CCDC93: variants seen among roughly 807,000 people sequenced by gnomAD.
The protein encoded by CCDC93 is coiled-coil domain-containing protein 93.
In CCDC93, 61 loss-of-function variants were observed where a neutral mutation model predicts 108.2. The observed-to-expected ratio is 0.56, with a 90% confidence interval of 0.46 to 0.70. CCDC93 has a LOEUF of 0.70. Ranked by LOEUF, CCDC93 falls within the 30% of genes least tolerant of loss-of-function variation. The pLI, the probability that CCDC93 is intolerant of heterozygous loss-of-function variation, is 0.00. For missense variants in CCDC93, 685 were observed against 764.2 expected (o/e 0.90, Z 1.22); for synonymous variants, 276 against 260.4 (o/e 1.06, Z -0.58).
chr2:117,965,336 G>C (rs2104767142), intron 11 of CCDC93, among the ~76,000 whole-genome samples: 1 of 152,180 alleles, frequency 6.6e-6, no homozygotes, highest in Admixed American at 6.5e-5. Flanking sequence ...TCACATCTAA[G>C]CTTATTAGAA....
At chr2:117,935,363 C>A (rs1000463244) in intron 22 of CCDC93, 132 bp downstream of exon 22, 7 of 663,030 alleles carry the variant, frequency 1.1e-5, no homozygotes, top group Non-Finnish European at 1.9e-5. Context: ...GGTGGGAATA[C>A]CTCTGTAGAA....
chr2:117,995,354 G>T, intron 6 of CCDC93, 92 bp downstream of exon 6: 1 of 984,954 alleles, frequency 1.0e-6, no homozygotes, highest in Non-Finnish European at 1.6e-6. Context: ...CCCCGTAGAT[G>T]GAAGCCTCAG....
Position 117,941,249 on chromosome 2 carries a change from C to T in CCDC93, c.1462G>A (p.Val488Ile). 1.2e-6 allele frequency: 2 copies of T among 1,614,090 alleles called. No individual in the cohort carries two copies. Among genetic ancestry groups the T allele is most frequent in the African/African-American group, 1.3e-5 (1 of 75,020 alleles). The change falls in exon 19 of 24, where the codon GTC (valine) becomes ATC (isoleucine). Residue 488 changes from valine (V) to isoleucine (I), a missense_variant. Transcript: ENST00000376300. ...TGTATTAGCTCGGCACGGCTAGGGA[C>T]TTCATCAATCTTGCGGTGCAAAATT... is the stretch of plus-strand genomic sequence containing the variant. ...IAILHRKIDE[V>I]PSRAELIQYQ...
At chr2:117,928,112 A>G (rs944847122) in intron 23 of CCDC93, among the ~76,000 whole-genome samples, 3 of 152,230 alleles carry the variant, frequency 2.0e-5, no homozygotes, top group African/African-American at 7.2e-5. Context: ...AAATTAATTC[A>G]AGACGGATTA....
chr2:118,002,297 A>G (rs1676725194), intron 3 of CCDC93, among the ~76,000 whole-genome samples: 1 of 152,196 alleles, frequency 6.6e-6, no homozygotes, highest in Non-Finnish European at 1.5e-5. Context: ...GATACCCTCA[A>G]GATGAACATC....
At chr2:117,949,457 CT>C in intron 13 of CCDC93, 62 bp from the exon 14 acceptor site, 3 of 1,200,630 alleles carry the variant, frequency 2.5e-6, no homozygotes, top group South Asian at 2.6e-5. Context: ...ACAACTTCAC[CT>C]TCTTTTTGTG....
rs1008582587 is a variant in CCDC93 at position 117,927,954 on chromosome 2, C to T, written c.1842+3083G>A. On this transcript the variant is annotated intron_variant, in intron 23 of 23. Coordinates refer to ENST00000376300, the MANE Select transcript of CCDC93 (RefSeq NM_019044.5). ...AGAACAGAGCCCTCAGAAATAATGC[C>T]GCACATCTACAACCATCTGATCTTT... Among the ~76,000 whole-genome samples the T allele has an allele frequency of 1.2e-3, 182 of 152,194 alleles. 2 individuals are homozygous for T. The highest frequency in any genetic ancestry group is 2.1e-3 in the Admixed American group (32 of 15,296).
intron 23 of CCDC93, among the ~76,000 whole-genome samples, chr2:117,926,087 C>T (rs1272429826): frequency 6.6e-6 from 1 of 151,838 alleles, no homozygotes; most frequent in Non-Finnish European, 1.5e-5. Context: ...AAAGACACAA[C>T]ATACCAGAAT....
At chr2:117,977,357 A>G (rs1410386711) in intron 8 of CCDC93, among the ~76,000 whole-genome samples, 1 of 152,186 alleles carries the variant, frequency 6.6e-6, no homozygotes, top group African/African-American at 2.4e-5. Flanking sequence ...CTGACCTAAA[A>G]AGCAGAAATA....
At chr2:117,936,809 C>T in intron 20 of CCDC93, 70 bp from the exon 21 acceptor site, 1 of 1,206,770 alleles carries the variant, frequency 8.3e-7, no homozygotes, top group Middle Eastern at 1.9e-4. Flanking sequence ...GCAACTGCTG[C>T]AAGCTTGCCT....
chr2:117,928,874 T>C (rs554475136), intron 23 of CCDC93, among the ~76,000 whole-genome samples: 1 of 152,232 alleles, frequency 6.6e-6, no homozygotes, highest in South Asian at 2.1e-4. Flanking sequence ...TGTCCAACAA[T>C]GATAGACTGG....
chr2:117,932,752 A>G (rs1440571755), intron 22 of CCDC93, among the ~76,000 whole-genome samples: 1 of 152,048 alleles, frequency 6.6e-6, no homozygotes, highest in Non-Finnish European at 1.5e-5. Context: ...TCTGACACCC[A>G]CTCATGATCC....
chr2:118,010,103 GT>G (rs1553460610), intron 1 of CCDC93, among the ~76,000 whole-genome samples: 1 of 88,564 alleles, frequency 1.1e-5, no homozygotes, highest in African/African-American at 3.3e-5. Flanking sequence ...CACCACGCCC[GT>G]TTTTTTGTTT....
chr2:117,934,270 G>A (rs1678450000), intron 22 of CCDC93, among the ~76,000 whole-genome samples: 1 of 152,144 alleles, frequency 6.6e-6, no homozygotes, highest in Admixed American at 6.5e-5. Flanking sequence ...CAATGGCAAG[G>A]TGGAAGCGTC....
intron 7 of CCDC93, among the ~76,000 whole-genome samples, chr2:117,983,342 T>C (rs1272685746): frequency 1.3e-5 from 2 of 152,200 alleles, no homozygotes; most frequent in African/African-American, 2.4e-5. Context: ...GTCACACTTC[T>C]GTGGTTTTCC....
intron 13 of CCDC93, chr2:117,950,867 A>G: frequency 1.0e-6 from 1 of 985,250 alleles, no homozygotes; most frequent in Non-Finnish European, 1.2e-6. Context: ...GAATCCTGAC[A>G]CCCGGCTGCA....
At chr2:117,924,025 G>C (rs1418396312) in intron 23 of CCDC93, among the ~76,000 whole-genome samples, 2 of 152,304 alleles carry the variant, frequency 1.3e-5, no homozygotes, top group East Asian at 1.9e-4. Flanking sequence ...ACAAGGTCTG[G>C]AGTGGACCTC....
chr2:117,994,956 C>T (rs1680598771), intron 6 of CCDC93, among the ~76,000 whole-genome samples: 1 of 152,126 alleles, frequency 6.6e-6, no homozygotes, highest in East Asian at 1.9e-4. Context: ...TTCCACTAAC[C>T]CTTGTGCTGG....
At chr2:117,974,574 C>A (rs1454378219) in intron 10 of CCDC93, among the ~76,000 whole-genome samples, 2 of 152,110 alleles carry the variant, frequency 1.3e-5, no homozygotes, top group South Asian at 2.1e-4. Flanking sequence ...GCATAACTCA[C>A]GGGTCAGCTC....
Sources: gnomAD v4.1 joint callset for allele counts (sites outside exome capture counted in the v4.1 genomes callset) on GRCh38, gnomAD v4.1.1 for gene constraint, MANE v1.5 for transcripts, NCBI Gene and HGNC (gene_info 2026-07-23, HGNC 2026-07-21) for gene names.